RAP1GAP2: variants seen among roughly 807,000 people sequenced by gnomAD.
RAP1GAP2 encodes RAP1 GTPase activating protein 2, also known as rap1 GTPase-activating protein 2.
In RAP1GAP2, 27 loss-of-function variants were observed where a neutral mutation model predicts 95.0. The observed-to-expected ratio is 0.28, with a 90% CI of 0.21 to 0.39. The LOEUF (loss-of-function observed/expected upper bound fraction) is 0.39, where lower values mean the gene tolerates loss of function less well. RAP1GAP2 is among the 10% of genes least tolerant of loss of function. RAP1GAP2 has a pLI of 1.00. For synonymous variants in RAP1GAP2, 373 were observed against 380.9 expected (o/e 0.98, Z 0.24); for missense variants, 771 against 970.0 (o/e 0.79, Z 2.72).
chr17:2,995,286 A>G, intron 12 of RAP1GAP2, 51 bp from the exon 13 acceptor site: 1 of 1,587,574 alleles, frequency 6.3e-7, no homozygotes. Flanking sequence ...TAAGTTGCCC[A>G]CTTTGCCTCA....
rs751483782 is a variant in RAP1GAP2, at chr17:2,963,043, A to G, written c.246+329A>G. The G allele has an allele frequency of 2.7e-5, 14 of 520,798 alleles. No homozygotes were observed. The highest frequency in any genetic ancestry group is 2.3e-4 in the African/African-American group (12 of 51,898). 32.3% of individuals were successfully genotyped at this position (520,798 alleles called of 1,614,324 possible). On this transcript the variant is annotated intron_variant, in intron 5 of 24. Coordinates refer to ENST00000254695, the MANE Select transcript of RAP1GAP2 (RefSeq NM_015085.5). The surrounding 1 kb of genome is among the most constrained non-coding windows in gnomAD (Gnocchi z 4.8). ...CTCTGTGCCCCGGGTTCCAGTGGGC[A>G]GTCAGCTCTCAGCTTCCCAACCCAG...
chr17:2,805,085 AC>A (rs1482246470), intron 2 of RAP1GAP2, among the ~76,000 whole-genome samples: 1 of 152,150 alleles, frequency 6.6e-6, no homozygotes, highest in East Asian at 1.9e-4. Flanking sequence ...CTTAGGGCCT[AC>A]CCAGTGCCTG....
At chr17:2,770,279 A>G (rs1224288786) in intron 1 of RAP1GAP2, 5 of 398,148 alleles carry the variant, frequency 1.3e-5, no homozygotes, top group Non-Finnish European at 2.2e-5. Flanking sequence ...TCTCCCAAGG[A>G]GCTCTGCAGA....
chr17:2,998,768 G>A (rs1428928128), intron 14 of RAP1GAP2, among the ~76,000 whole-genome samples: 13 of 151,820 alleles, frequency 8.6e-5, no homozygotes, highest in Non-Finnish European at 1.8e-4. Context: ...CCATTTGCTC[G>A]CTGTGAGTGT....
At chr17:2,859,468 C>T (rs1364803831) in intron 2 of RAP1GAP2, among the ~76,000 whole-genome samples, 3 of 152,070 alleles carry the variant, frequency 2.0e-5, no homozygotes, top group East Asian at 1.9e-4. Flanking sequence ...TGTGGTCTCA[C>T]TCTGCCACCC....
intron 3 of RAP1GAP2, among the ~76,000 whole-genome samples, chr17:2,925,459 A>G (rs184891394): frequency 7.9e-5 from 12 of 152,264 alleles, no homozygotes; most frequent in Admixed American, 7.2e-4. Context: ...GAGCTTCCAA[A>G]CACGTAAACC....
chr17:3,007,819 C>T (rs2046383388), intron 16 of RAP1GAP2, among the ~76,000 whole-genome samples, 192 bp from the exon 17 acceptor site: 1 of 152,112 alleles, frequency 6.6e-6, no homozygotes, highest in African/African-American at 2.4e-5. Flanking sequence ...GAGCAGGAGG[C>T]CGAGCACGCA....
intron 2 of RAP1GAP2, among the ~76,000 whole-genome samples, chr17:2,886,321 C>T (rs544197528): frequency 2.6e-5 from 4 of 151,904 alleles, no homozygotes; most frequent in East Asian, 1.9e-4. Flanking sequence ...TACAGGCACA[C>T]GCCACCACGC....
At chr17:2,927,042 C>T (rs1333749446) in intron 3 of RAP1GAP2, among the ~76,000 whole-genome samples, 4 of 151,544 alleles carry the variant, frequency 2.6e-5, no homozygotes, top group South Asian at 2.1e-4. Context: ...TTGCCAGGGC[C>T]GCATTCCCTC....
intron 1 of RAP1GAP2, among the ~76,000 whole-genome samples, chr17:2,756,158 G>A (rs778037516): frequency 6.6e-6 from 1 of 152,234 alleles, no homozygotes; most frequent in Non-Finnish European, 1.5e-5. Flanking sequence ...TCTGCCACCC[G>A]GGGCAGGGCT....
At chr17:2,859,108 C>CTTT (rs773356177) in intron 2 of RAP1GAP2, among the ~76,000 whole-genome samples, 20 of 130,482 alleles carry the variant, frequency 1.5e-4, no homozygotes, top group African/African-American at 2.3e-4. Flanking sequence ...TCCTCCAACT[C>CTTT]TTTTTTTTTT....
At chr17:2,756,948 T>C (rs2071160041) in intron 1 of RAP1GAP2, among the ~76,000 whole-genome samples, 1 of 152,212 alleles carries the variant, frequency 6.6e-6, no homozygotes, top group Admixed American at 6.5e-5. Flanking sequence ...GCATATTTCC[T>C]GGATGGTTCC....
Position 2,840,978 on chromosome 17 carries a change from A to G in RAP1GAP2, c.80+40428A>G, listed in dbSNP as rs370935046. 2.4e-3 allele frequency among the ~76,000 whole-genome samples: 369 copies of G among 151,476 alleles called. 2 individuals carry two copies. Among genetic ancestry groups the G allele is most frequent in the African/African-American group, 8.3e-3 (342 of 41,302 alleles). Reference sequence around the variant, plus strand: ...GCGCCACTGCACTCCAGCCTGGGTGACAGGGTGAGACCCTGTTTAAAAAAT... The same window carrying G: ...GCGCCACTGCACTCCAGCCTGGGTGGCAGGGTGAGACCCTGTTTAAAAAAT... On this transcript the variant is annotated intron_variant, in intron 2 of 24. Transcript: ENST00000254695.
intron 10 of RAP1GAP2, 137 bp downstream of exon 10, chr17:2,981,385 C>G (rs1250333814): frequency 1.3e-5 from 10 of 784,322 alleles, no homozygotes; most frequent in Non-Finnish European, 2.0e-5. Flanking sequence ...GTCTCCCTCT[C>G]TCCCTGCCCA....
rs779031368 is a variant in RAP1GAP2 at position 2,963,336 on chromosome 17, C to T, written c.247-94C>T. On this transcript the variant is annotated intron_variant, in intron 5 of 24. Coordinates refer to ENST00000254695, the MANE Select transcript of RAP1GAP2 (RefSeq NM_015085.5). This position sits in a 1 kb window ranked among gnomAD's most constrained non-coding sequence, Gnocchi z 4.8. The stretch of plus-strand genomic sequence containing the variant: ...GAATGTTCCTCCCTCAAAGCCCCCC[C>T]ACAACATATCCCCCTTGCAAGACCT... The T allele has an allele frequency of 7.7e-6, 11 of 1,434,400 alleles. No individual in the cohort carries two copies. The African/African-American group carries it at 8.4e-5, about 11-fold the overall frequency. 88.9% of individuals were successfully genotyped at this position (1,434,400 alleles called of 1,614,324 possible).
rs992306017 is a variant in RAP1GAP2, at chr17:2,827,032, AAG to A, written c.80+26492_80+26493del. Among the ~76,000 whole-genome samples, 4 of 146,182 alleles carry A rather than the reference AAG, an allele frequency of 2.7e-5. No homozygotes were observed. In the South Asian group the frequency reaches 6.2e-4, roughly 23 times the overall value. ...GAGAGAGAGAGGAGAGAAAGAAAGA[AAG>A]AGAGAGAGAAAGAAAGAAAGAGAAA... On this transcript the variant is annotated intron_variant, in intron 2 of 24. Transcript: ENST00000254695. This position sits in a 1 kb window ranked among gnomAD's most constrained non-coding sequence, Gnocchi z 4.1.
intron 2 of RAP1GAP2, among the ~76,000 whole-genome samples, chr17:2,863,976 C>T (rs1432210464): frequency 6.6e-6 from 1 of 151,884 alleles, no homozygotes; most frequent in South Asian, 2.1e-4. Context: ...CGCTTGAACC[C>T]GGGAGGCGGA....
chr17:2,807,523 A>C (rs1404377027), intron 2 of RAP1GAP2, among the ~76,000 whole-genome samples: 1 of 152,136 alleles, frequency 6.6e-6, no homozygotes, highest in Non-Finnish European at 1.5e-5. Flanking sequence ...GCACGGGACA[A>C]GGGCTGCGAT....
chr17:2,995,616 C>A, intron 13 of RAP1GAP2, 150 bp downstream of exon 13: 1 of 1,191,974 alleles, frequency 8.4e-7, no homozygotes, highest in Non-Finnish European at 1.2e-6. Flanking sequence ...ACAGTCCGTT[C>A]TGCTGTGTTT....
Sources: gnomAD v4.1 joint callset for allele counts (sites outside exome capture counted in the v4.1 genomes callset) on GRCh38, gnomAD v4.1.1 for gene constraint, Gnocchi (gnomAD v3.1) non-coding constraint, MANE v1.5 for transcripts, NCBI Gene and HGNC (gene_info 2026-07-23, HGNC 2026-07-21) for gene names.